RNF182: variants seen among roughly 807,000 people sequenced by gnomAD.
The protein encoded by RNF182 is E3 ubiquitin-protein ligase RNF182.
Under a neutral mutation model 14.4 loss-of-function variants are expected in RNF182, and 15 were observed. The ratio of observed to expected loss-of-function variants is 1.04; its 90% CI spans 0.70 to 1.60. RNF182 has a LOEUF of 1.60. Among genes scored for constraint, RNF182 ranks in the 40% most tolerant of loss-of-function variants. RNF182 has a pLI of 0.00. For synonymous variants in RNF182, 128 were observed against 122.9 expected, an observed-to-expected ratio of 1.04 and a Z score of -0.27; for missense variants, 268 against 294.8, an observed-to-expected ratio of 0.91 and a Z score of 0.67.
intron 2 of RNF182, among the ~76,000 whole-genome samples, 159 bp from the exon 3 acceptor site, chr6:13,976,750 C>T (rs939548919): frequency 6.6e-6 from 1 of 152,160 alleles, no homozygotes; most frequent in Admixed American, 6.5e-5. Flanking sequence ...AACACTTTTC[C>T]GTTCCAGGGA....
intron 1 of RNF182, among the ~76,000 whole-genome samples, chr6:13,946,753 T>G (rs951029581): frequency 1.3e-5 from 2 of 152,174 alleles, no homozygotes; most frequent in Non-Finnish European, 2.9e-5. Context: ...AAGGGGACCC[T>G]TAATCCTGAA....
intron 1 of RNF182, among the ~76,000 whole-genome samples, chr6:13,960,245 C>T (rs900595884): frequency 6.6e-6 from 1 of 152,180 alleles, no homozygotes; most frequent in Non-Finnish European, 1.5e-5. Context: ...GCATCTTGCA[C>T]ATGGTATGAC....
chr6:13,964,279 A>G (rs993363374), intron 1 of RNF182, among the ~76,000 whole-genome samples: 4 of 152,158 alleles, frequency 2.6e-5, no homozygotes, highest in African/African-American at 9.6e-5. Flanking sequence ...AAATAATAAT[A>G]TGCAAAAAGG....
intron 1 of RNF182, among the ~76,000 whole-genome samples, chr6:13,963,721 G>T (rs1195698782): frequency 6.6e-6 from 1 of 152,064 alleles, no homozygotes; most frequent in Non-Finnish European, 1.5e-5. Context: ...ACACCCTGAG[G>T]TCAGAAATTT....
intron 1 of RNF182, among the ~76,000 whole-genome samples, chr6:13,972,145 A>C (rs1019360991): frequency 4.7e-5 from 7 of 148,062 alleles, no homozygotes; most frequent in Admixed American, 2.0e-4. Context: ...AAAAAATACA[A>C]AAAAAAAAAA....
chr6:13,934,246 CAG>C (rs1224832191), intron 1 of RNF182, among the ~76,000 whole-genome samples: 1 of 152,136 alleles, frequency 6.6e-6, no homozygotes, highest in African/African-American at 2.4e-5. Context: ...AGACTTGATT[CAG>C]AGTCACTCCT....
At chr6:13,968,358 T>A (rs1760090500) in intron 1 of RNF182, among the ~76,000 whole-genome samples, 1 of 152,114 alleles carries the variant, frequency 6.6e-6, no homozygotes, top group African/African-American at 2.4e-5. Flanking sequence ...ATGTCTAAAT[T>A]TAACTGAGGA....
rs187250788 is a variant in RNF182 at position 13,939,336 on chromosome 6, A to G, written c.-367+14313A>G. Among the ~76,000 whole-genome samples, 8 of 152,132 alleles carry G rather than the reference A, an allele frequency of 5.3e-5. No homozygotes were observed. The East Asian group carries it at 1.5e-3, about 29-fold the overall frequency. On this transcript the variant is annotated intron_variant, in intron 1 of 2. Transcript: ENST00000488300. ...TAATATTGAGTCTTCTAATCAATGA[A>G]CACAATATAGCTCTCCATTTAATTA... is the stretch of plus-strand genomic sequence containing the variant.
rs542697819 is a variant in RNF182, at chr6:13,979,534, C to T, written c.*1671C>T. The T allele has an allele frequency of 3.2e-4, 54 of 166,968 alleles. No homozygotes were observed. The highest frequency in any genetic ancestry group is 7.2e-4 in the Admixed American group (11 of 15,292). The allele number at this position is 166,968 out of a possible 1,614,324, so 10.3% of individuals were successfully genotyped here. A position where few individuals can be genotyped will look rare whatever the true frequency, so the allele number is the denominator to read the frequency against. On this transcript the variant is annotated 3_prime_UTR_variant, in exon 3 of 3. Transcript: ENST00000488300. ...AGAATAGTATACATGGGATATGGTC[C>T]AATGAATTTAAGCCCCAAGATACAG... is the stretch of plus-strand genomic sequence containing the variant.
Position 13,978,800 on chromosome 6 carries a change from A to G in RNF182, c.*937A>G, listed in dbSNP as rs139843282. 1.7e-3 allele frequency: 276 copies of G among 167,082 alleles called. 1 individual carries two copies. Among genetic ancestry groups the G allele is most frequent in the Non-Finnish European group, 3.1e-3 (213 of 68,072 alleles). 10.3% of individuals were successfully genotyped at this position (167,082 alleles called of 1,614,324 possible). The stretch of plus-strand genomic sequence containing the variant: ...CTATTATATTTTTGGTTCTATTAGG[A>G]TTTACTTAACTGAATCTTATAACAA... On this transcript the variant is annotated 3_prime_UTR_variant, in exon 3 of 3. Transcript: ENST00000488300.
At chr6:13,966,020 C>T (rs529040532) in intron 1 of RNF182, among the ~76,000 whole-genome samples, 12 of 152,064 alleles carry the variant, frequency 7.9e-5, no homozygotes, top group Non-Finnish European at 1.5e-4. Flanking sequence ...CTCCTGAGGA[C>T]GGAGCTCAGA....
intron 1 of RNF182, among the ~76,000 whole-genome samples, chr6:13,945,016 A>G (rs1484173178): frequency 6.6e-6 from 1 of 152,200 alleles, no homozygotes; most frequent in Non-Finnish European, 1.5e-5. Flanking sequence ...GTGAGAACAT[A>G]AGAGTGTTAC....
At chr6:13,924,756 TGA>T (rs1259044439), upstream of RNF182, 2 of 151,578 alleles carry the variant, frequency 1.3e-5, no homozygotes, top group African/African-American at 2.4e-5. Context: ...TGAGGGAGAC[TGA>T]GAGAGGGGCG....
At position 13,952,270 on chromosome 6, in the gene RNF182, G is replaced by A. The variant is rs139370777; in HGVS notation, c.-366-21940G>A. Among the ~76,000 whole-genome samples the A allele has an allele frequency of 7.9e-5, 12 of 152,242 alleles. No homozygotes were observed. The East Asian group carries it at 9.7e-4, about 12-fold the overall frequency. ...GTGAAGAGATCTTCTCCAGCAGGCC[G>A]TCAGCTCTCACATTTCCCCCTTTGC... On this transcript the variant is annotated intron_variant, in intron 1 of 2. Coordinates refer to ENST00000488300, the MANE Select transcript of RNF182 (RefSeq NM_152737.4).
chr6:13,946,636 C>T (rs1219874106), intron 1 of RNF182, among the ~76,000 whole-genome samples: 1 of 152,148 alleles, frequency 6.6e-6, no homozygotes, highest in Non-Finnish European at 1.5e-5. Context: ...GTCTAGCCTC[C>T]TGGGAATCCA....
At chr6:13,963,339 A>G (rs1218414648) in intron 1 of RNF182, among the ~76,000 whole-genome samples, 4 of 152,164 alleles carry the variant, frequency 2.6e-5, no homozygotes, top group Non-Finnish European at 4.4e-5. Context: ...TTGGGCAGAG[A>G]TTGGCTTTGG....
intron 1 of RNF182, among the ~76,000 whole-genome samples, chr6:13,950,689 G>C (rs1759566423): frequency 6.6e-6 from 1 of 152,018 alleles, no homozygotes. Flanking sequence ...TAGAGATGGG[G>C]CTTCACCATG....
chr6:13,968,145 ATATAT>A (rs1760082669), intron 1 of RNF182, among the ~76,000 whole-genome samples: 1 of 152,242 alleles, frequency 6.6e-6, no homozygotes, highest in Non-Finnish European at 1.5e-5. Context: ...GGATAAATAC[ATATAT>A]TAGTTGGTCT....
chr6:13,956,218 G>A (rs1287075831), intron 1 of RNF182, among the ~76,000 whole-genome samples: 1 of 151,334 alleles, frequency 6.6e-6, no homozygotes, highest in Non-Finnish European at 1.5e-5. Context: ...CCAAATCTTG[G>A]CTATTGGCTA....
Sources: allele counts gnomAD v4.1 joint callset (sites outside exome capture counted in the v4.1 genomes callset), GRCh38; gene constraint gnomAD v4.1.1; transcripts MANE v1.5; gene names NCBI Gene and HGNC (gene_info 2026-07-23, HGNC 2026-07-21).